The following ZBTB20 variants were observed in gnomAD, a reference collection of about 807,000 sequenced individuals.
ZBTB20 encodes zinc finger and BTB domain containing 20.
A neutral mutation model predicts 56.9 loss-of-function variants in ZBTB20; 9 were observed. That is an observed-to-expected ratio of 0.16 (90% CI 0.10 to 0.28). ZBTB20 has a LOEUF of 0.28. Among genes scored for constraint, ZBTB20 ranks in the 10% least tolerant of loss-of-function variants. The pLI, the probability that ZBTB20 is intolerant of heterozygous loss-of-function variation, is 1.00. For synonymous variants in ZBTB20, 417 were observed against 420.7 expected (o/e 0.99, Z 0.11); for missense variants, 655 against 1,003.0 (o/e 0.65, Z 4.69).
chr3:114,684,242 A>G (rs1305042559), intron 6 of ZBTB20, among the ~76,000 whole-genome samples: 1 of 152,186 alleles, frequency 6.6e-6, no homozygotes, highest in Non-Finnish European at 1.5e-5. Flanking sequence ...TCATCTTCCC[A>G]TATTTCAGGG....
chr3:114,570,307 A>C (rs958714220), intron 6 of ZBTB20, among the ~76,000 whole-genome samples: 9 of 151,854 alleles, frequency 5.9e-5, no homozygotes, highest in African/African-American at 2.2e-4. Context: ...CTGACTTAAA[A>C]ATAATAACTG....
chr3:114,784,716 A>G (rs1297142843), intron 5 of ZBTB20, among the ~76,000 whole-genome samples: 1 of 152,220 alleles, frequency 6.6e-6, no homozygotes, highest in Non-Finnish European at 1.5e-5. Flanking sequence ...ACCATACTAC[A>G]AAAATAAGAA....
intron 10 of ZBTB20, among the ~76,000 whole-genome samples, chr3:114,375,185 C>T (rs2083467277): frequency 6.6e-6 from 1 of 152,144 alleles, no homozygotes; most frequent in African/African-American, 2.4e-5. Flanking sequence ...TAAAGCCTTA[C>T]CTAGAGTTTA....
chr3:114,525,068 T>A (rs1041199008), intron 6 of ZBTB20, among the ~76,000 whole-genome samples: 5 of 152,162 alleles, frequency 3.3e-5, no homozygotes, highest in Non-Finnish European at 5.9e-5. Context: ...TACTCTAGCC[T>A]GTCACTCTCT....
intron 6 of ZBTB20, among the ~76,000 whole-genome samples, chr3:114,616,965 T>C (rs531196177): frequency 1.3e-5 from 2 of 152,278 alleles, no homozygotes; most frequent in Admixed American, 1.3e-4. Context: ...TATCTCCTCC[T>C]CTCTGTCTAT....
At chr3:114,498,865 CT>C (rs1487148480) in intron 7 of ZBTB20, among the ~76,000 whole-genome samples, 1 of 152,202 alleles carries the variant, frequency 6.6e-6, no homozygotes, top group Non-Finnish European at 1.5e-5. Flanking sequence ...CCCTGTACTG[CT>C]TGTGTCTGAG....
intron 4 of ZBTB20, among the ~76,000 whole-genome samples, chr3:114,836,969 A>G (rs1052963295): frequency 1.3e-5 from 2 of 152,084 alleles, no homozygotes; most frequent in African/African-American, 4.8e-5. Context: ...TTCTGTTCTC[A>G]TCTTCTAACA....
chr3:115,100,661 T>C (rs2083554950), intron 1 of ZBTB20: 3 of 152,208 alleles, frequency 2.0e-5, no homozygotes, highest in African/African-American at 7.2e-5. Flanking sequence ...CTTCTTTATT[T>C]ATGCTCCATT....
intron 7 of ZBTB20, among the ~76,000 whole-genome samples, chr3:114,490,650 A>C (rs1473806027): frequency 1.3e-5 from 2 of 152,196 alleles, no homozygotes; most frequent in Non-Finnish European, 2.9e-5. Flanking sequence ...AGCTCTTAAC[A>C]TTTAGAGACA....
intron 7 of ZBTB20, among the ~76,000 whole-genome samples, chr3:114,484,820 C>T (rs2718411): frequency 0.69 from 103,888 of 151,092 alleles, 37,077 homozygotes; most frequent in Non-Finnish European, 0.79. Context: ...TGTGTGTGTG[C>T]GCGTGCATGT....
chr3:114,388,365 C>T (rs995959584), intron 8 of ZBTB20: 3 of 152,124 alleles, frequency 2.0e-5, no homozygotes, highest in African/African-American at 7.2e-5. Context: ...TATCCCCTAC[C>T]CCAAATTATT....
intron 4 of ZBTB20, among the ~76,000 whole-genome samples, chr3:114,872,246 CACA>C (rs1233179270): frequency 1.8e-4 from 27 of 152,094 alleles, no homozygotes; most frequent in Non-Finnish European, 1.8e-4. Flanking sequence ...ATACTGGGAA[CACA>C]AGGATTAAAA....
intron 8 of ZBTB20, among the ~76,000 whole-genome samples, chr3:114,382,499 T>C (rs1343356939): frequency 6.6e-6 from 1 of 152,224 alleles, no homozygotes; most frequent in East Asian, 1.9e-4. Context: ...AGTTTTCTCT[T>C]ACTTTGAATA....
At chr3:114,723,126 T>G (rs1392691464) in intron 5 of ZBTB20, among the ~76,000 whole-genome samples, 3 of 152,196 alleles carry the variant, frequency 2.0e-5, no homozygotes, top group Admixed American at 1.3e-4. Flanking sequence ...TCAAGATACA[T>G]TTGCAAGGTT....
intron 6 of ZBTB20, among the ~76,000 whole-genome samples, chr3:114,520,470 T>C (rs1163367157): frequency 6.6e-6 from 1 of 152,166 alleles, no homozygotes; most frequent in Non-Finnish European, 1.5e-5. Context: ...AAAGGGTAAA[T>C]CGTAGGCATT....
intron 6 of ZBTB20, among the ~76,000 whole-genome samples, chr3:114,507,744 G>T (rs1464451824): frequency 2.0e-5 from 3 of 152,024 alleles, no homozygotes; most frequent in Non-Finnish European, 4.4e-5. Context: ...GTTTAACTCT[G>T]TATGATTCTA....
At chr3:114,414,603 T>C (rs2088324584) in intron 7 of ZBTB20, among the ~76,000 whole-genome samples, 1 of 151,806 alleles carries the variant, frequency 6.6e-6, no homozygotes. Context: ...CTTTCAAAAT[T>C]ATTTGTGGCC....
At chr3:114,995,802 G>T (rs544505581) in intron 2 of ZBTB20, among the ~76,000 whole-genome samples, 15 of 151,714 alleles carry the variant, frequency 9.9e-5, no homozygotes, top group African/African-American at 3.6e-4. Flanking sequence ...TATTTTGTAG[G>T]ATACTAACCA....
chr3:114,446,723 T>C (rs1222979767), intron 7 of ZBTB20, among the ~76,000 whole-genome samples: 6 of 152,132 alleles, frequency 3.9e-5, no homozygotes, highest in South Asian at 2.1e-4. Context: ...ACTGTTTCAG[T>C]GTTTGGCCTA....
Sources: gnomAD v4.1 joint callset for allele counts (sites outside exome capture counted in the v4.1 genomes callset) on GRCh38, gnomAD v4.1.1 for gene constraint, MANE v1.5 for transcripts, NCBI Gene and HGNC (gene_info 2026-07-23, HGNC 2026-07-21) for gene names.